Variants in AGO3 observed in about 807,000 individuals in gnomAD.
AGO3 encodes protein argonaute-3.
A neutral mutation model predicts 105.5 loss-of-function variants in AGO3; 16 were observed. That is an observed-to-expected ratio of 0.15 (90% CI 0.10 to 0.23). The LOEUF is 0.23. Among genes scored for constraint, AGO3 ranks in the 10% least tolerant of loss-of-function variants. The pLI is 1.00. For missense variants in AGO3, 534 were observed against 1,088.0 expected, an observed-to-expected ratio of 0.49 and a Z score of 7.16; for synonymous variants, 340 against 367.3, an observed-to-expected ratio of 0.93 and a Z score of 0.85.
intron 11 of AGO3, among the ~76,000 whole-genome samples, chr1:36,014,771 CAA>C (rs58580607): frequency 1.7e-4 from 10 of 58,538 alleles, no homozygotes; most frequent in Admixed American, 3.0e-4. Flanking sequence ...ACTCTGTCTC[CAA>C]AAAAAAAAAA....
intron 1 of AGO3, among the ~76,000 whole-genome samples, chr1:35,945,063 C>T (rs1646336623): frequency 6.6e-6 from 1 of 152,150 alleles, no homozygotes; most frequent in Non-Finnish European, 1.5e-5. Context: ...TTTGGCCTCC[C>T]AGAGTCCCAA....
intron 11 of AGO3, among the ~76,000 whole-genome samples, chr1:36,023,185 A>G (rs1287404197): frequency 1.3e-5 from 2 of 152,164 alleles, no homozygotes; most frequent in African/African-American, 2.4e-5. Flanking sequence ...AAATTTGCTC[A>G]AACAAATTCA....
At position 35,973,575 on chromosome 1, in the gene AGO3, A is replaced by G; in HGVS notation, c.658+64A>G. The G allele has an allele frequency of 3.0e-6, 4 of 1,348,538 alleles. No homozygotes were observed. The South Asian group carries it at 7.0e-5, about 24-fold the overall frequency. 83.5% of individuals were successfully genotyped at this position (1,348,538 alleles called of 1,614,324 possible). On this transcript the variant is annotated intron_variant, in intron 5 of 18. Coordinates refer to ENST00000373191, the MANE Select transcript of AGO3 (RefSeq NM_024852.4). Reference sequence around the variant, plus strand: ...ATTTCTGTATGATGTGTGTACATAAATTTTATATATAATTATACATACTGG... The same window carrying G: ...ATTTCTGTATGATGTGTGTACATAAGTTTTATATATAATTATACATACTGG...
intron 5 of AGO3, among the ~76,000 whole-genome samples, chr1:35,981,573 A>G (rs1647053562): frequency 6.6e-6 from 1 of 152,238 alleles, no homozygotes; most frequent in African/African-American, 2.4e-5. Flanking sequence ...TAACAATTAA[A>G]GAATTTGTGA....
intron 2 of AGO3, among the ~76,000 whole-genome samples, 198 bp downstream of exon 2, chr1:35,946,061 G>A (rs1485831372): frequency 3.3e-5 from 5 of 152,136 alleles, no homozygotes; most frequent in South Asian, 2.1e-4. Context: ...GTTATAACAC[G>A]AGCTCACATT....
rs183228027 is a variant in AGO3, at chr1:35,935,559, T to C, written c.19+4114T>C. Among the ~76,000 whole-genome samples, 195 of 152,358 alleles carry C rather than the reference T, an allele frequency of 1.3e-3. 1 individual carries two copies. The highest frequency in any genetic ancestry group is 6.8e-3 in the Middle Eastern group (2 of 294). ...ATTTGTATTAGTTTATATCTTCCAA[T>C]GGGAACATTGCGTTTTTTAGTTACT... On this transcript the variant is annotated intron_variant, in intron 1 of 18. Transcript: ENST00000373191.
chr1:35,942,494 T>A (rs755736305), intron 1 of AGO3, among the ~76,000 whole-genome samples: 9 of 152,212 alleles, frequency 5.9e-5, no homozygotes, highest in Non-Finnish European at 1.0e-4. Context: ...TTTGGTATAA[T>A]TCTCTAGTGA....
chr1:35,980,928 G>T lies in AGO3; in HGVS notation c.658+7417G>T, dbSNP rs550638738. ...ACATGCTTCTTACTGTGCCTTTGGT[G>T]TTGTATATTTTTACCATGTGCTCAT... On this transcript the variant is annotated intron_variant, in intron 5 of 18. Transcript: ENST00000373191. Among the ~76,000 whole-genome samples, 23 of 152,148 alleles carry T rather than the reference G, an allele frequency of 1.5e-4. No individual in the cohort carries two copies. In the South Asian group the frequency reaches 4.4e-3, roughly 29 times the overall value.
At chr1:35,991,517 G>A (rs1647651146) in intron 5 of AGO3, among the ~76,000 whole-genome samples, 1 of 147,526 alleles carries the variant, frequency 6.8e-6, no homozygotes. Flanking sequence ...TGAGAATAGG[G>A]TACCTGGGGA....
At chr1:35,971,184 G>T (rs1312018669) in intron 3 of AGO3, among the ~76,000 whole-genome samples, 37 of 113,136 alleles carry the variant, frequency 3.3e-4, no homozygotes, top group African/African-American at 9.9e-4. Flanking sequence ...TTTTTTTTTT[G>T]AGCCTCACTC....
rs373780763 is a variant in AGO3 at position 36,039,945 on chromosome 1, C to T, written c.1998C>T (p.Ile666=). 8 of 1,613,600 alleles carry T rather than the reference C, an allele frequency of 5.0e-6. No individual in the cohort carries two copies. In the East Asian group the frequency reaches 8.9e-5, roughly 18 times the overall value. Residue 666 remains isoleucine, a synonymous_variant, in exon 15 of 19, where the codon ATC becomes ATT. Coordinates refer to ENST00000373191, the MANE Select transcript of AGO3 (RefSeq NM_024852.4). ...KSTRFKPTRI[I]FYRDGVSEGQ... is the part of the protein sequence containing the mutation. ...CTCGGTTCAAGCCTACTCGTATCAT[C>T]TTTTATCGGGATGGTGTTTCAGAGG...
chr1:35,934,875 C>A (rs1306556316), intron 1 of AGO3, among the ~76,000 whole-genome samples: 1 of 152,178 alleles, frequency 6.6e-6, no homozygotes, highest in Non-Finnish European at 1.5e-5. Flanking sequence ...TGGTCTTGAA[C>A]TCCTGACCTC....
chr1:36,042,699 T>C (rs1003713566), intron 16 of AGO3, among the ~76,000 whole-genome samples: 5 of 152,186 alleles, frequency 3.3e-5, no homozygotes, highest in Admixed American at 3.3e-4. Flanking sequence ...CATTTTTAAG[T>C]GTTTTATAAG....
intron 1 of AGO3, among the ~76,000 whole-genome samples, chr1:35,940,697 T>C (rs1284511344): frequency 2.0e-5 from 3 of 152,208 alleles, no homozygotes; most frequent in Non-Finnish European, 4.4e-5. Flanking sequence ...CAGCAAAGAC[T>C]TAGCTAAACC....
At chr1:36,034,029 G>A (rs1394812389) in intron 12 of AGO3, 145 bp from the exon 13 acceptor site, 8 of 587,798 alleles carry the variant, frequency 1.4e-5, no homozygotes, top group Non-Finnish European at 1.5e-5. Flanking sequence ...TAACAGCATC[G>A]CCTTAGTACT....
rs926949293 is a variant in AGO3, at chr1:35,948,216, ATT to A, written c.191+2371_191+2372del. ...AAAAATATTAAGTAAAAGGAACAGAATTTTTTTTTTTTTTTTTTTGCAACAGA... is the reference window on the plus strand; with the variant it reads ...AAAAATATTAAGTAAAAGGAACAGAATTTTTTTTTTTTTTTTTGCAACAGA... On this transcript the variant is annotated intron_variant, in intron 2 of 18. Coordinates refer to ENST00000373191, the MANE Select transcript of AGO3 (RefSeq NM_024852.4). Among the ~76,000 whole-genome samples the A allele has an allele frequency of 2.3e-3, 317 of 135,198 alleles. 2 individuals carry two copies. The highest frequency in any genetic ancestry group is 7.2e-3 in the African/African-American group (266 of 36,786). The allele number at this position is 135,198 out of a possible 152,430, so 88.7% of individuals were successfully genotyped here.
At chr1:35,951,237 C>T (rs967590812) in intron 2 of AGO3, among the ~76,000 whole-genome samples, 4 of 152,152 alleles carry the variant, frequency 2.6e-5, no homozygotes, top group Non-Finnish European at 4.4e-5. Flanking sequence ...AGGCGTGAGC[C>T]ACCACACCCA....
intron 1 of AGO3, among the ~76,000 whole-genome samples, chr1:35,938,761 A>G (rs1646199736): frequency 6.6e-6 from 1 of 152,232 alleles, no homozygotes; most frequent in Admixed American, 6.5e-5. Flanking sequence ...TTCCATGAAT[A>G]TTAAAGAAAA....
intron 13 of AGO3, 77 bp downstream of exon 13, chr1:36,034,410 A>C: frequency 1.0e-5 from 11 of 1,077,932 alleles, no homozygotes; most frequent in Non-Finnish European, 2.5e-6. Flanking sequence ...TCTAACTACT[A>C]TAAGGGCTGT....
Sources: allele counts gnomAD v4.1 joint callset (sites outside exome capture counted in the v4.1 genomes callset), GRCh38; gene constraint gnomAD v4.1.1; transcripts MANE v1.5; gene names NCBI Gene and HGNC (gene_info 2026-07-23, HGNC 2026-07-21).